The following DOCK2 variants were observed in gnomAD, a reference collection of about 807,000 sequenced individuals.
DOCK2 encodes the protein dedicator of cytokinesis 2.
DOCK2 carries 87 observed loss-of-function variants against 248.9 expected under a neutral mutation model. The ratio of observed to expected loss-of-function variants is 0.35; its 90% CI spans 0.29 to 0.42. The LOEUF is 0.42. Ranked by LOEUF, DOCK2 falls within the 10% of genes least tolerant of loss-of-function variation. The pLI, the probability that DOCK2 is intolerant of heterozygous loss-of-function variation, is 1.00. For synonymous variants in DOCK2, 805 were observed against 821.6 expected (o/e 0.98, Z 0.35); for missense variants, 1,747 against 2,300.2 (o/e 0.76, Z 4.92).
chr5:169,707,495 T>G lies in DOCK2; in HGVS notation c.1384-674T>G, dbSNP rs530675570. Among the ~76,000 whole-genome samples, 6 of 152,358 alleles carry G rather than the reference T, an allele frequency of 3.9e-5. No individual in the cohort carries two copies. The South Asian group carries it at 1.2e-3, about 32-fold the overall frequency. On this transcript the variant is annotated intron_variant, in intron 14 of 51. Transcript: ENST00000520908. ...CATGTCTGTCATCACGTTGCCTTGC[T>G]GTCATGACGTGTTCCCTAATGTTTC... is the stretch of plus-strand genomic sequence containing the variant.
At chr5:169,656,289 A>G (rs1485077316) in intron 2 of DOCK2, among the ~76,000 whole-genome samples, 1 of 151,904 alleles carries the variant, frequency 6.6e-6, no homozygotes, top group Non-Finnish European at 1.5e-5. Context: ...AGGCAGTGAA[A>G]TGACTCATCT....
intron 41 of DOCK2, among the ~76,000 whole-genome samples, chr5:170,052,202 G>C (rs1756941819): frequency 6.6e-6 from 1 of 152,160 alleles, no homozygotes; most frequent in Non-Finnish European, 1.5e-5. Flanking sequence ...ATATTCATCT[G>C]TAACCTTTTC....
At chr5:169,991,782 C>G (rs1778216448) in intron 29 of DOCK2, among the ~76,000 whole-genome samples, 1 of 152,264 alleles carries the variant, frequency 6.6e-6, no homozygotes, top group South Asian at 2.1e-4. Flanking sequence ...TAGAGAAAGA[C>G]AGACCTGAGT....
chr5:169,704,759 ATGTGTGTGTGTGTGTGTGTGTGTGTGTG>A (rs56289708), intron 14 of DOCK2, among the ~76,000 whole-genome samples: 2 of 139,900 alleles, frequency 1.4e-5, no homozygotes, highest in African/African-American at 2.8e-5. Flanking sequence ...CTCCATATAT[ATGTGTGTGTGTGTGTGTGTGTGTGTGTG>A]TGTGTGTGTG....
chr5:169,890,546 C>T (rs1773222460), intron 27 of DOCK2, among the ~76,000 whole-genome samples: 2 of 152,158 alleles, frequency 1.3e-5, no homozygotes, highest in South Asian at 4.1e-4. Context: ...ATACCCCTTT[C>T]CGGCAGCTTT....
At chr5:169,895,934 A>C (rs1046450033) in intron 27 of DOCK2, among the ~76,000 whole-genome samples, 4 of 152,150 alleles carry the variant, frequency 2.6e-5, no homozygotes, top group African/African-American at 9.7e-5. Context: ...TCTGGCCTGG[A>C]GATGTCCCCG....
In DOCK2 at chr5:170,082,957, T is replaced by G. The variant is rs187711257; in HGVS notation, c.*99T>G. Reference sequence around the variant, plus strand: ...ATCGAAGCCTCAGAGAGTGGGAGACTGTCCCCATCAGTTGTCCTTACTTAG... The same window carrying G: ...ATCGAAGCCTCAGAGAGTGGGAGACGGTCCCCATCAGTTGTCCTTACTTAG... On this transcript the variant is annotated 3_prime_UTR_variant, in exon 52 of 52. Coordinates refer to ENST00000520908, the MANE Select transcript of DOCK2 (RefSeq NM_004946.3). 271 of 1,491,696 alleles carry G rather than the reference T, an allele frequency of 1.8e-4. No homozygotes were observed. In the African/African-American group the frequency reaches 3.4e-3, roughly 19 times the overall value. 92.4% of individuals were successfully genotyped at this position (1,491,696 alleles called of 1,614,324 possible).
At chr5:169,769,342 C>A (rs1351561867) in intron 25 of DOCK2, among the ~76,000 whole-genome samples, 2 of 152,176 alleles carry the variant, frequency 1.3e-5, no homozygotes, top group East Asian at 3.9e-4. Flanking sequence ...TTGGTACACA[C>A]AAATTTTGTG....
chr5:169,691,467 GC>G (rs1705785283), intron 9 of DOCK2, among the ~76,000 whole-genome samples: 1 of 152,204 alleles, frequency 6.6e-6, no homozygotes, highest in Non-Finnish European at 1.5e-5. Flanking sequence ...CTAAGCACTG[GC>G]CATACAGCAG....
At chr5:169,947,099 A>T (rs1776483197) in intron 27 of DOCK2, among the ~76,000 whole-genome samples, 1 of 152,038 alleles carries the variant, frequency 6.6e-6, no homozygotes, top group Non-Finnish European at 1.5e-5. Context: ...CAACACTATG[A>T]CTCCCTGTTA....
chr5:169,804,467 T>C (rs1412721430), intron 26 of DOCK2, among the ~76,000 whole-genome samples: 5 of 82,020 alleles, frequency 6.1e-5, no homozygotes, highest in African/African-American at 1.6e-4. Flanking sequence ...TGTGTGTGTG[T>C]GTGTGTGTGT....
intron 43 of DOCK2, chr5:170,057,050 G>A: frequency 2.3e-6 from 1 of 429,640 alleles, no homozygotes; most frequent in Non-Finnish European, 4.2e-6. Flanking sequence ...AAACCCTCAG[G>A]CTAAGAAGGG....
chr5:170,069,574 A>G (rs1474382540), intron 46 of DOCK2, among the ~76,000 whole-genome samples: 1 of 152,164 alleles, frequency 6.6e-6, no homozygotes, highest in Non-Finnish European at 1.5e-5. Context: ...GACACCCAGC[A>G]CAGGCCAATC....
At chr5:169,975,053 C>T (rs1371703563) in intron 27 of DOCK2, among the ~76,000 whole-genome samples, 1 of 152,074 alleles carries the variant, frequency 6.6e-6, no homozygotes, top group East Asian at 1.9e-4. Flanking sequence ...GGAGATGAGC[C>T]CACTGGACTC....
At chr5:169,868,024 G>A (rs1049527320) in intron 27 of DOCK2, among the ~76,000 whole-genome samples, 125 of 152,312 alleles carry the variant, frequency 8.2e-4, no homozygotes, top group African/African-American at 2.9e-3. Flanking sequence ...CCTCCCTACT[G>A]TGACAGAAAA....
intron 27 of DOCK2, among the ~76,000 whole-genome samples, chr5:169,961,068 G>A (rs555076244): frequency 7.2e-5 from 11 of 152,340 alleles, no homozygotes; most frequent in Middle Eastern, 6.8e-3. Flanking sequence ...TATATTGCAT[G>A]AGTGAGTGAT....
At chr5:169,893,936 C>T (rs980337309) in intron 27 of DOCK2, among the ~76,000 whole-genome samples, 4 of 152,158 alleles carry the variant, frequency 2.6e-5, no homozygotes, top group Admixed American at 6.5e-5. Flanking sequence ...ACTTGACAAT[C>T]TCTTCCTGTA....
intron 27 of DOCK2, among the ~76,000 whole-genome samples, chr5:169,865,625 T>A (rs1771499599): frequency 6.6e-6 from 1 of 152,160 alleles, no homozygotes; most frequent in Non-Finnish European, 1.5e-5. Flanking sequence ...CTTTTTGATG[T>A]GTTTGTTACC....
At chr5:170,039,306 G>A (rs1195956573) in intron 36 of DOCK2, among the ~76,000 whole-genome samples, 2 of 152,152 alleles carry the variant, frequency 1.3e-5, no homozygotes. Flanking sequence ...CTCCCCACCT[G>A]GATAAAGCGT....
Sources: allele counts gnomAD v4.1 joint callset (sites outside exome capture counted in the v4.1 genomes callset), GRCh38; gene constraint gnomAD v4.1.1; transcripts MANE v1.5; gene names NCBI Gene and HGNC (gene_info 2026-07-23, HGNC 2026-07-21).